Variants in PHC3 observed in about 807,000 individuals in gnomAD.
The protein encoded by PHC3 is polyhomeotic-like protein 3.
In PHC3, 13 loss-of-function variants were observed where a neutral mutation model predicts 107.4. The observed-to-expected ratio is 0.12, with a 90% CI of 0.08 to 0.19. PHC3 has a LOEUF of 0.19. PHC3 is among the 10% of genes least tolerant of loss of function. The pLI is 1.00. For missense variants in PHC3, 992 were observed against 1,210.9 expected, an observed-to-expected ratio of 0.82 and a Z score of 2.68; for synonymous variants, 456 against 427.4, an observed-to-expected ratio of 1.07 and a Z score of -0.83.
Position 170,106,823 on chromosome 3 carries a change from C to A in PHC3, c.2468+9G>T. On this transcript the variant is annotated intron_variant, in intron 12 of 14. Coordinates refer to ENST00000495893, the MANE Select transcript of PHC3 (RefSeq NM_024947.4). ...CTGTCCTTTGGGAAATTCAAGAGCA[C>A]AGAAATACCTTTTGGCACATGACAT... 6.3e-7 allele frequency: 1 copy of A among 1,596,126 alleles called. No homozygotes were observed. The highest frequency in any genetic ancestry group is 8.5e-7 in the Non-Finnish European group (1 of 1,172,514).
Position 170,095,445 on chromosome 3 carries a change from A to G in PHC3, c.*1785T>C, listed in dbSNP as rs1430003983. On this transcript the variant is annotated 3_prime_UTR_variant, in exon 15 of 15. Coordinates refer to ENST00000495893, the MANE Select transcript of PHC3 (RefSeq NM_024947.4). ...GAGGCATCTAAAGATTAAAAAAATT[A>G]CCCGCTGTATTTTTGTATAAAAATA... The G allele has an allele frequency of 6.6e-6, 1 of 152,132 alleles. No individual in the cohort carries two copies. Among genetic ancestry groups the G allele is most frequent in the East Asian group, 1.9e-4 (1 of 5,198 alleles). 9.4% of individuals were successfully genotyped at this position (152,132 alleles called of 1,614,324 possible). A position where few individuals can be genotyped will look rare whatever the true frequency, so the allele number is the denominator to read the frequency against.
rs188815855 is a variant in PHC3 at position 170,097,656 on chromosome 3, A to G, written c.2834-272T>C. 1.3e-5 allele frequency among the ~76,000 whole-genome samples: 2 copies of G among 152,328 alleles called. No homozygotes were observed. Among genetic ancestry groups the G allele is most frequent in the African/African-American group, 4.8e-5 (2 of 41,592 alleles). On this transcript the variant is annotated intron_variant, in intron 14 of 14. Coordinates refer to ENST00000495893, the MANE Select transcript of PHC3 (RefSeq NM_024947.4). The surrounding 1 kb of genome is among the most constrained non-coding windows in gnomAD (Gnocchi z 4.1). ...GAAATAATTCATAAGAGGGAAGTCT[A>G]GATATAATACTTCCTTCACAAAAAG... is the stretch of plus-strand genomic sequence containing the variant.
chr3:170,128,198 T>C (rs1480409059), intron 8 of PHC3: 2 of 236,166 alleles, frequency 8.5e-6, no homozygotes, highest in Admixed American at 1.1e-4. Flanking sequence ...AACTACATCA[T>C]ATAAGCATAT....
At chr3:170,154,344 A>G (rs1577190159) in intron 4 of PHC3, among the ~76,000 whole-genome samples, 1 of 152,284 alleles carries the variant, frequency 6.6e-6, no homozygotes, top group East Asian at 1.9e-4. Context: ...TTTCTGACTC[A>G]TGTATTTTGG....
chr3:170,173,003 T>C (rs1266282774), intron 2 of PHC3, among the ~76,000 whole-genome samples: 1 of 151,914 alleles, frequency 6.6e-6, no homozygotes. Context: ...CCATCCTGGC[T>C]AACATGGTGA....
At chr3:170,173,762 T>C (rs1379991956) in intron 2 of PHC3, among the ~76,000 whole-genome samples, 1 of 152,214 alleles carries the variant, frequency 6.6e-6, no homozygotes, top group Non-Finnish European at 1.5e-5. Flanking sequence ...ATTAAAATAT[T>C]TGAAAGAATC....
rs562733431 is a variant in PHC3 at position 170,172,545 on chromosome 3, T to C, written c.336+12A>G. On this transcript the variant is annotated intron_variant, in intron 3 of 14. Transcript: ENST00000495893. ...GAAACTTTGATCTCATAAACTCTTA[T>C]TTTAGTCTTACCTGAACAGCAGCAA... 2.0e-5 allele frequency: 32 copies of C among 1,606,900 alleles called. No individual in the cohort carries two copies. The South Asian group carries it at 3.2e-4, about 16-fold the overall frequency.
chr3:170,155,092 G>A (rs1726676664), intron 4 of PHC3, among the ~76,000 whole-genome samples: 1 of 152,142 alleles, frequency 6.6e-6, no homozygotes, highest in Non-Finnish European at 1.5e-5. Context: ...GCTAATTCTA[G>A]GAGTCACCAG....
intron 7 of PHC3, among the ~76,000 whole-genome samples, chr3:170,130,101 T>TA (rs1722007750): frequency 6.6e-6 from 1 of 152,242 alleles, no homozygotes; most frequent in African/African-American, 2.4e-5. Flanking sequence ...CTTAATAATC[T>TA]GAATCTATAC....
intron 4 of PHC3, among the ~76,000 whole-genome samples, chr3:170,151,040 A>G (rs922662103): frequency 2.6e-5 from 4 of 151,936 alleles, no homozygotes; most frequent in Admixed American, 6.6e-5. Context: ...GTGAAATCCC[A>G]TTTCTACTAA....
chr3:170,142,660 C>T lies in PHC3; in HGVS notation c.672+2763G>A, dbSNP rs1028794858. ...ACATGTAAACTGAGCAGCAACTTCA[C>T]GCCTAGCTCCATGCCACTTTCCTAG... On this transcript the variant is annotated intron_variant, in intron 6 of 14. Transcript: ENST00000495893. Among the ~76,000 whole-genome samples the T allele has an allele frequency of 3.9e-5, 6 of 152,318 alleles. No individual in the cohort carries two copies. In the East Asian group the frequency reaches 5.8e-4, roughly 15 times the overall value.
chr3:170,180,771 C>T (rs982660806), intron 1 of PHC3, among the ~76,000 whole-genome samples: 2 of 152,076 alleles, frequency 1.3e-5, no homozygotes, highest in Admixed American at 6.5e-5. Context: ...CTCAACTATG[C>T]CCTCCAATCC....
chr3:170,121,787 A>T (rs1393588746), intron 9 of PHC3, among the ~76,000 whole-genome samples: 1 of 152,236 alleles, frequency 6.6e-6, no homozygotes, highest in East Asian at 1.9e-4. Flanking sequence ...AAATCTTTTG[A>T]AAGAATTTTC....
intron 14 of PHC3, chr3:170,102,070 C>T (rs1395176618): frequency 2.3e-6 from 2 of 873,626 alleles, no homozygotes; most frequent in African/African-American, 3.6e-5. Context: ...AGAAAAAAGT[C>T]TCTCTTACTT....
intron 1 of PHC3, among the ~76,000 whole-genome samples, chr3:170,180,316 G>T (rs74764929): frequency 0.02 from 3,054 of 152,192 alleles, 89 homozygotes; most frequent in East Asian, 0.16. Flanking sequence ...AGGCCTGGTG[G>T]CACAGGACTG....
Position 170,115,355 on chromosome 3 carries a change from T to C in PHC3, c.2194-1836A>G, listed in dbSNP as rs1286323185. Among the ~76,000 whole-genome samples, 13 of 148,222 alleles carry C rather than the reference T, an allele frequency of 8.8e-5. No individual in the cohort carries two copies. The East Asian group carries it at 2.3e-3, about 26-fold the overall frequency. Reference sequence around the variant, plus strand: ...TATGTACCATAATCTTGATTATATGTATGTATCTATAACATATATACATTA... The same window carrying C: ...TATGTACCATAATCTTGATTATATGCATGTATCTATAACATATATACATTA... On this transcript the variant is annotated intron_variant, in intron 10 of 14. Transcript: ENST00000495893.
chr3:170,116,148 G>A (rs781049973), intron 10 of PHC3, among the ~76,000 whole-genome samples: 7 of 152,118 alleles, frequency 4.6e-5, no homozygotes, highest in African/African-American at 1.7e-4. Context: ...CATTTTGAGC[G>A]GGACATTTTA....
intron 2 of PHC3, among the ~76,000 whole-genome samples, chr3:170,174,882 T>C (rs2108769700): frequency 6.6e-6 from 1 of 152,336 alleles, no homozygotes; most frequent in Non-Finnish European, 1.5e-5. Flanking sequence ...CAATCTCTAT[T>C]TGTTCTTCTA....
rs1713751089 is a variant in PHC3 at position 170,088,680 on chromosome 3, AT to A, written c.*8549del. 1 of 152,220 alleles carries A rather than the reference AT, an allele frequency of 6.6e-6. No homozygotes were observed. Among genetic ancestry groups the A allele is most frequent in the African/African-American group, 2.4e-5 (1 of 41,454 alleles). 9.4% of individuals were successfully genotyped at this position (152,220 alleles called of 1,614,324 possible). On this transcript the variant is annotated 3_prime_UTR_variant, in exon 15 of 15. Transcript: ENST00000495893. ...AATACATATTTTAACAGCATAACAT[AT>A]TTGAAGAATTAGTTACACTTTAAAA...
Sources: gnomAD v4.1 joint callset for allele counts (sites outside exome capture counted in the v4.1 genomes callset) on GRCh38, gnomAD v4.1.1 for gene constraint, Gnocchi (gnomAD v3.1) non-coding constraint, MANE v1.5 for transcripts, NCBI Gene and HGNC (gene_info 2026-07-23, HGNC 2026-07-21) for gene names.